The following WDPCP variants were observed in gnomAD, a reference collection of about 807,000 sequenced individuals.
The protein encoded by WDPCP is WD repeat containing planar cell polarity effector.
A neutral mutation model predicts 93.1 loss-of-function variants in WDPCP; 71 were observed. That is an observed-to-expected ratio of 0.76 (90% CI 0.63 to 0.93). The LOEUF (loss-of-function observed/expected upper bound fraction) is 0.93, where lower values mean the gene tolerates loss of function less well. WDPCP is among the 40% of genes least tolerant of loss of function. WDPCP has a pLI of 0.00. For synonymous variants in WDPCP, 315 were observed against 315.0 expected, an observed-to-expected ratio of 1.00 and a Z score of 0.00; for missense variants, 844 against 887.4, an observed-to-expected ratio of 0.95 and a Z score of 0.62.
At chr2:63,610,305 C>A (rs974808251) in intron 3 of WDPCP, among the ~76,000 whole-genome samples, 2 of 152,064 alleles carry the variant, frequency 1.3e-5, no homozygotes, top group Non-Finnish European at 2.9e-5. Context: ...TAAACCTAAA[C>A]CTTAAGGGAA....
chr2:63,242,551 GT>G (rs1679937165), intron 14 of WDPCP, among the ~76,000 whole-genome samples: 2 of 152,312 alleles, frequency 1.3e-5, no homozygotes, highest in African/African-American at 4.8e-5. Flanking sequence ...GTGCCTGGAA[GT>G]TTGAGGCTGC....
chr2:63,810,884 T>C (rs886628161), intron 2 of WDPCP, among the ~76,000 whole-genome samples: 3 of 152,234 alleles, frequency 2.0e-5, no homozygotes, highest in African/African-American at 7.2e-5. Context: ...TGTACATGTT[T>C]GTGAGTGGAA....
chr2:63,522,728 T>C (rs954247448), intron 1 of WDPCP, among the ~76,000 whole-genome samples: 17 of 152,098 alleles, frequency 1.1e-4, no homozygotes, highest in African/African-American at 4.1e-4. Context: ...GAGTAACTTC[T>C]TGAGAACATA....
chr2:63,638,248 A>C (rs1709941494), intron 3 of WDPCP, among the ~76,000 whole-genome samples: 1 of 152,142 alleles, frequency 6.6e-6, no homozygotes, highest in African/African-American at 2.4e-5. Context: ...ATACTTAAAA[A>C]TATTGTTCTG....
At chr2:63,228,584 AC>A (rs1353837831) in intron 14 of WDPCP, 1 of 145,080 alleles carries the variant, frequency 6.9e-6, no homozygotes, top group Non-Finnish European at 1.5e-5. Flanking sequence ...CCTCCCCCCT[AC>A]CCCCACCACA....
At chr2:63,382,833 C>T (rs866934841) in intron 10 of WDPCP, among the ~76,000 whole-genome samples, 1 of 152,106 alleles carries the variant, frequency 6.6e-6, no homozygotes, top group Non-Finnish European at 1.5e-5. Flanking sequence ...ATTGCCCTGA[C>T]TATACTAAGC....
At chr2:63,549,086 T>A (rs944100137) in intron 1 of WDPCP, among the ~76,000 whole-genome samples, 1 of 151,488 alleles carries the variant, frequency 6.6e-6, no homozygotes, top group Non-Finnish European at 1.5e-5. Context: ...CAGTCTCTAC[T>A]AAAAATATAA....
intron 1 of WDPCP, among the ~76,000 whole-genome samples, chr2:63,501,771 C>T (rs1477049313): frequency 6.6e-6 from 1 of 152,072 alleles, no homozygotes; most frequent in Admixed American, 6.6e-5. Context: ...CGTGAGCCAC[C>T]ACATAAGGTT....
rs550808102 is a variant in WDPCP, at chr2:63,370,127, T to C, written c.1748+8259A>G. 2.6e-5 allele frequency among the ~76,000 whole-genome samples: 4 copies of C among 152,278 alleles called. No homozygotes were observed. The East Asian group carries it at 7.7e-4, about 29-fold the overall frequency. On this transcript the variant is annotated intron_variant, in intron 12 of 17. Coordinates refer to ENST00000272321, the MANE Select transcript of WDPCP (RefSeq NM_015910.7). ...TTTGTTTGGTATCTTAATTTACTGA[T>C]TAGTATAACAACTTTTCTTCAAATT...
In WDPCP at chr2:63,153,538, G is replaced by C; in HGVS notation, c.2115C>G (p.Asp705Glu). Reference protein sequence around the residue: ...IIDRRNELEKDICSGFLMTNT... With the variant: ...IIDRRNELEKEICSGFLMTNT... ...TAGTCATCAAAAATCCAGAACAGAT[G>C]TCTTTTTCAAGTTCATTCCTTCTGT... Residue 705 changes from aspartate to glutamate, a missense_variant, in exon 16 of 18, where the codon GAC becomes GAG. Coordinates refer to ENST00000272321, the MANE Select transcript of WDPCP (RefSeq NM_015910.7). The C allele has an allele frequency of 6.2e-6, 10 of 1,612,418 alleles. No homozygotes were observed. The highest frequency in any genetic ancestry group is 8.5e-6 in the Non-Finnish European group (10 of 1,179,106).
intron 2 of WDPCP, among the ~76,000 whole-genome samples, chr2:63,804,507 G>A (rs978656894): frequency 1.7e-4 from 25 of 151,234 alleles, no homozygotes; most frequent in Non-Finnish European, 3.1e-4. Flanking sequence ...CACCAGCCTC[G>A]GCCTCCCAAA....
intron 3 of WDPCP, among the ~76,000 whole-genome samples, chr2:63,596,683 C>A (rs1446674969): frequency 6.6e-6 from 1 of 152,164 alleles, no homozygotes; most frequent in Non-Finnish European, 1.5e-5. Flanking sequence ...TGCAACTAGC[C>A]AATTTTCCAG....
intron 2 of WDPCP, among the ~76,000 whole-genome samples, chr2:63,783,212 G>C (rs1158198351): frequency 6.6e-6 from 1 of 151,332 alleles, no homozygotes; most frequent in Non-Finnish European, 1.5e-5. Flanking sequence ...AGGAGTTCAG[G>C]ACCAGCCTGG....
intron 14 of WDPCP, among the ~76,000 whole-genome samples, chr2:63,244,706 A>C (rs1045453193): frequency 2.0e-5 from 3 of 152,180 alleles, no homozygotes; most frequent in Admixed American, 6.5e-5. Flanking sequence ...ACAAATTCCG[A>C]AATCAAATAA....
chr2:63,755,628 G>A (rs1264566118), intron 2 of WDPCP, among the ~76,000 whole-genome samples: 3 of 152,086 alleles, frequency 2.0e-5, no homozygotes. Context: ...TCATAAAATT[G>A]TTCTTGTCTA....
At chr2:63,177,955 GC>G (rs1673943336) in intron 14 of WDPCP, among the ~76,000 whole-genome samples, 1 of 152,026 alleles carries the variant, frequency 6.6e-6, no homozygotes, top group Admixed American at 6.6e-5. Context: ...TTTGTCAAAT[GC>G]TTTTTTGTGT....
upstream of WDPCP, among the ~76,000 whole-genome samples, chr2:63,831,111 T>C (rs1671186857): frequency 1.3e-5 from 2 of 152,192 alleles, no homozygotes; most frequent in Non-Finnish European, 2.9e-5. Flanking sequence ...TCCCTCCTCC[T>C]AACAACTCCC....
At chr2:63,712,865 AC>A (rs1387101787) in intron 2 of WDPCP, among the ~76,000 whole-genome samples, 1 of 152,104 alleles carries the variant, frequency 6.6e-6, no homozygotes, top group Non-Finnish European at 1.5e-5. Flanking sequence ...TTCTACTTAA[AC>A]CTGATGTCAT....
chr2:63,326,067 C>T (rs1443476782), intron 12 of WDPCP, among the ~76,000 whole-genome samples: 4 of 152,212 alleles, frequency 2.6e-5, no homozygotes, highest in African/African-American at 7.2e-5. Flanking sequence ...AGGAAAGGAT[C>T]TCACTGTCTG....
Sources: allele counts gnomAD v4.1 joint callset (sites outside exome capture counted in the v4.1 genomes callset), GRCh38; gene constraint gnomAD v4.1.1; transcripts MANE v1.5; gene names NCBI Gene and HGNC (gene_info 2026-07-23, HGNC 2026-07-21).